NPAS1: variants seen among roughly 807,000 people sequenced by gnomAD.
NPAS1 encodes the protein neuronal PAS domain protein 1.
NPAS1 carries 29 observed loss-of-function variants against 49.2 expected under a neutral mutation model. The ratio of observed to expected loss-of-function variants is 0.59; its 90% confidence interval spans 0.44 to 0.80. NPAS1 has a LOEUF of 0.80. Ranked by LOEUF, NPAS1 falls within the 30% of genes least tolerant of loss-of-function variation. The probability of loss-of-function intolerance (pLI) is 0.00; values close to 1 mark genes in which losing one functional copy is unlikely to be tolerated. For missense variants in NPAS1, 825 were observed against 835.5 expected, an observed-to-expected ratio of 0.99 and a Z score of 0.15; for synonymous variants, 408 against 380.4, an observed-to-expected ratio of 1.07 and a Z score of -0.84.
In NPAS1 at chr19:47,036,244, G is replaced by C. The variant is rs1486293288; in HGVS notation, c.688+115G>C. On this transcript the variant is annotated intron_variant, in intron 6 of 11. Transcript: ENST00000602212. ...ATAGCAGTGAAGTTAGAACTGTGTA[G>C]AACGAATCTTTGCAAAAGGAATCGG... The C allele has an allele frequency of 2.7e-6, 3 of 1,130,782 alleles. No homozygotes were observed. The African/African-American group carries it at 4.7e-5, about 18-fold the overall frequency. The allele number at this position is 1,130,782 out of a possible 1,614,324, so 70.0% of individuals were successfully genotyped here. A position where few individuals can be genotyped will look rare whatever the true frequency, so the allele number is the denominator to read the frequency against.
intron 5 of NPAS1, among the ~76,000 whole-genome samples, chr19:47,034,314 CAA>C (rs76817156): frequency 8.6e-5 from 8 of 92,690 alleles, no homozygotes; most frequent in Admixed American, 1.3e-4. Flanking sequence ...AACTCCGTCT[CAA>C]AAAAAAAAAA....
At chr19:47,044,386 C>CCA (rs2057052994) in intron 11 of NPAS1, among the ~76,000 whole-genome samples, 1 of 151,836 alleles carries the variant, frequency 6.6e-6, no homozygotes, top group South Asian at 2.1e-4. Context: ...CAAAACAAAA[C>CCA]AAAAAACACT....
rs76986191 is a variant in NPAS1, at chr19:47,023,283, G to A, written c.358+1436G>A. On this transcript the variant is annotated intron_variant, in intron 3 of 11. Coordinates refer to ENST00000602212, the MANE Select transcript of NPAS1 (RefSeq NM_002517.4). The stretch of plus-strand genomic sequence containing the variant: ...CGAGCTGAAGGGGGGGAAAGGGGGG[G>A]CTAAGAGAGCCCCGGCGGCGTCCAG... Among the ~76,000 whole-genome samples the A allele has an allele frequency of 1.4e-3, 216 of 152,202 alleles. 3 individuals are homozygous for A. In the East Asian group the frequency reaches 0.029, roughly 21 times the overall value.
chr19:47,042,618 C>T (rs916040724), intron 10 of NPAS1, among the ~76,000 whole-genome samples, 192 bp from the exon 11 acceptor site: 8 of 152,214 alleles, frequency 5.3e-5, no homozygotes, highest in African/African-American at 1.7e-4. Context: ...GCCTTAGGAG[C>T]GAGGGCCACG....
At chr19:47,037,132 AC>A in intron 6 of NPAS1, among the ~76,000 whole-genome samples, 1 of 151,382 alleles carries the variant, frequency 6.6e-6, no homozygotes, top group East Asian at 2.0e-4. Context: ...TGGGCGGATC[AC>A]CTGAGGTCGG....
At chr19:47,026,714 TGAGGCC>T (rs1185154359) in intron 3 of NPAS1, among the ~76,000 whole-genome samples, 6 of 151,806 alleles carry the variant, frequency 4.0e-5, no homozygotes, top group Non-Finnish European at 8.8e-5. Flanking sequence ...CAGCACTTTG[TGAGGCC>T]GAGGCAGGTG....
chr19:47,028,766 C>T (rs1220673083), intron 3 of NPAS1, among the ~76,000 whole-genome samples: 3 of 152,080 alleles, frequency 2.0e-5, no homozygotes, highest in Non-Finnish European at 4.4e-5. Flanking sequence ...TGGGGACCCT[C>T]AAGGTCACCA....
At chr19:47,041,471 C>T (rs1419242277) in intron 10 of NPAS1, among the ~76,000 whole-genome samples, 2 of 152,016 alleles carry the variant, frequency 1.3e-5, no homozygotes, top group Non-Finnish European at 2.9e-5. Flanking sequence ...CAGAGCACAG[C>T]AACTAATGGA....
intron 8 of NPAS1, 48 bp from the exon 9 acceptor site, chr19:47,040,396 C>T: frequency 7.4e-7 from 1 of 1,354,336 alleles, no homozygotes. Flanking sequence ...TGCCTCTCCC[C>T]CAACCCCGTG....
At chr19:47,041,232 G>T (rs147860326) in intron 10 of NPAS1, 107 bp downstream of exon 10, 2 of 1,125,600 alleles carry the variant, frequency 1.8e-6, no homozygotes, top group East Asian at 3.0e-5. Flanking sequence ...GACAAGCCCA[G>T]GGGGTCTGCA....
chr19:47,045,155 G>A lies in NPAS1; in HGVS notation c.1313-36G>A, dbSNP rs541561073. 1.1e-5 allele frequency: 18 copies of A among 1,593,722 alleles called. No individual in the cohort carries two copies. In the Admixed American group the frequency reaches 2.6e-4, roughly 23 times the overall value. On this transcript the variant is annotated intron_variant, in intron 11 of 11. Coordinates refer to ENST00000602212, the MANE Select transcript of NPAS1 (RefSeq NM_002517.4). The stretch of plus-strand genomic sequence containing the variant: ...CACAGATGGGAAGACTGAGGGCTGG[G>A]GACACACACAGGCCCTCAGCATCTT...
At chr19:47,027,326 A>G in intron 3 of NPAS1, among the ~76,000 whole-genome samples, 1 of 80,646 alleles carries the variant, frequency 1.2e-5, no homozygotes, top group African/African-American at 4.1e-5. Flanking sequence ...CTGCCCCTGG[A>G]TCCCCCTCTC....
intron 10 of NPAS1, among the ~76,000 whole-genome samples, chr19:47,042,182 G>A (rs2057029509): frequency 6.6e-6 from 1 of 151,692 alleles, no homozygotes; most frequent in Non-Finnish European, 1.5e-5. Context: ...AGTGGTGCAC[G>A]CCTGTAATCC....
At chr19:47,022,024 A>T (rs1363845970) in intron 3 of NPAS1, among the ~76,000 whole-genome samples, 177 bp downstream of exon 3, 1 of 152,206 alleles carries the variant, frequency 6.6e-6, no homozygotes, top group Non-Finnish European at 1.5e-5. Context: ...TTAAACTGTC[A>T]AATGGGCGCA....
chr19:47,020,475 G>C (rs567640422), intron 1 of NPAS1, among the ~76,000 whole-genome samples: 1 of 151,954 alleles, frequency 6.6e-6, no homozygotes, highest in Non-Finnish European at 1.5e-5. Flanking sequence ...AGGCTGGGGG[G>C]ATCCCTGGGC....
chr19:47,040,439 C>A lies in NPAS1; in HGVS notation c.963-5C>A, dbSNP rs771634458. On this transcript the variant is annotated splice_polypyrimidine_tract_variant and splice_region_variant and intron_variant, in intron 8 of 11. Transcript: ENST00000602212. ...ACTCCTCCCCTCTTCTCTGTCACCC[C>A]CCAGAGTCAGCGACCACATGGACCT... The A allele has an allele frequency of 3.8e-6, 6 of 1,579,858 alleles. No homozygotes were observed. Among genetic ancestry groups the A allele is most frequent in the Middle Eastern group, 1.7e-4 (1 of 6,010 alleles).
intron 11 of NPAS1, among the ~76,000 whole-genome samples, chr19:47,044,851 G>A (rs1471730835): frequency 6.6e-6 from 1 of 151,946 alleles, no homozygotes; most frequent in Non-Finnish European, 1.5e-5. Flanking sequence ...CCAACATGGC[G>A]ACACCCCATC....
Position 47,042,914 on chromosome 19 carries a change from A to T in NPAS1, c.1312+10A>T, listed in dbSNP as rs1599923904. On this transcript the variant is annotated intron_variant, in intron 11 of 11. Transcript: ENST00000602212. ...GGGCCAGAGCCCACAGGTGAGCCCC[A>T]CCTCCCACCTTGGCCCCTGGGAAGC... is the stretch of plus-strand genomic sequence containing the variant. 3.2e-6 allele frequency: 5 copies of T among 1,568,148 alleles called. No homozygotes were observed. The East Asian group carries it at 1.2e-4, about 38-fold the overall frequency.
rs375537259 is a variant in NPAS1 at position 47,039,676 on chromosome 19, TG to T, written c.962+115del. On this transcript the variant is annotated intron_variant, in intron 8 of 11. Coordinates refer to ENST00000602212, the MANE Select transcript of NPAS1 (RefSeq NM_002517.4). ...TGCAGGATAGGGCACTGGGGAGCCA[TG>T]GGAGGCGGAACAGCAATGGATGGGA... The T allele has an allele frequency of 1.5e-5, 18 of 1,209,282 alleles. No individual in the cohort carries two copies. The African/African-American group carries it at 2.5e-4, about 17-fold the overall frequency. The allele number at this position is 1,209,282 out of a possible 1,614,324, so 74.9% of individuals were successfully genotyped here.
Sources: allele counts gnomAD v4.1 joint callset (sites outside exome capture counted in the v4.1 genomes callset), GRCh38; gene constraint gnomAD v4.1.1; transcripts MANE v1.5; gene names NCBI Gene and HGNC (gene_info 2026-07-23, HGNC 2026-07-21).